THADA: variants seen among roughly 807,000 people sequenced by gnomAD.
The protein encoded by THADA is tRNA (32-2'-O)-methyltransferase regulator THADA.
In THADA, 213 loss-of-function variants were observed where a neutral mutation model predicts 219.8. The observed-to-expected ratio is 0.97, with a 90% confidence interval of 0.87 to 1.09. THADA has a LOEUF of 1.09. Among genes scored for constraint, THADA ranks in the 50% least tolerant of loss-of-function variants. The pLI, the probability that THADA is intolerant of heterozygous loss-of-function variation, is 0.00. For synonymous variants in THADA, 1,018 were observed against 828.9 expected (o/e 1.23, Z -3.92); for missense variants, 2,956 against 2,311.3 (o/e 1.28, Z -5.72).
intron 34 of THADA, among the ~76,000 whole-genome samples, chr2:43,291,478 A>AAAAAAAAAAAAAAAAAAC: frequency 6.7e-6 from 1 of 149,000 alleles, no homozygotes; most frequent in African/African-American, 2.5e-5. Flanking sequence ...AAAAAAAAAA[A>AAAAAAAAAAAAAAAAAAC]AAAATCCTAA....
chr2:43,517,998 C>T (rs1691945922), intron 22 of THADA, among the ~76,000 whole-genome samples: 1 of 152,190 alleles, frequency 6.6e-6, no homozygotes, highest in African/African-American at 2.4e-5. Flanking sequence ...CATTCAGGCC[C>T]TGGCTGAAAT....
intron 15 of THADA, 78 bp from the exon 16 acceptor site, chr2:43,560,463 T>C (rs1697926049): frequency 2.7e-6 from 3 of 1,116,978 alleles, no homozygotes; most frequent in East Asian, 5.6e-5. Context: ...TGACCAAATT[T>C]ATAGAAAATA....
intron 28 of THADA, among the ~76,000 whole-genome samples, chr2:43,406,510 A>C (rs72790918): frequency 0.011 from 1,703 of 152,298 alleles, 14 homozygotes; most frequent in South Asian, 0.021. Context: ...GATTCCAACC[A>C]AATGTTTTAG....
At chr2:43,269,544 AG>A (rs1671898601) in intron 36 of THADA, among the ~76,000 whole-genome samples, 1 of 152,336 alleles carries the variant, frequency 6.6e-6, no homozygotes, top group Admixed American at 6.5e-5. Flanking sequence ...GGTGAACGTC[AG>A]GGGGCCCAGG....
intron 1 of THADA, among the ~76,000 whole-genome samples, chr2:43,594,157 T>C (rs1701893865): frequency 6.6e-6 from 1 of 152,146 alleles, no homozygotes; most frequent in African/African-American, 2.4e-5. Context: ...ACTTCTACAC[T>C]TACCTCCAAA....
intron 31 of THADA, among the ~76,000 whole-genome samples, chr2:43,302,400 C>G (rs1004667040): frequency 4.0e-5 from 6 of 151,722 alleles, no homozygotes; most frequent in African/African-American, 1.5e-4. Context: ...CTCAGCCACT[C>G]AAGTATGTGT....
rs913736907 is a variant in THADA, at chr2:43,485,392, T to A, written c.3745-67A>T. The A allele has an allele frequency of 1.0e-5, 11 of 1,099,040 alleles. No individual in the cohort carries two copies. In the African/African-American group the frequency reaches 1.6e-4, roughly 16 times the overall value. 68.1% of individuals were successfully genotyped at this position (1,099,040 alleles called of 1,614,324 possible). A position where few individuals can be genotyped will look rare whatever the true frequency, so the allele number is the denominator to read the frequency against. ...GGCATGAAACCAACGTTTACAATGTTCAAACTAGATAATTCAAAATCATTA... is the reference window on the plus strand; with the variant it reads ...GGCATGAAACCAACGTTTACAATGTACAAACTAGATAATTCAAAATCATTA... On this transcript the variant is annotated intron_variant, in intron 25 of 37. Transcript: ENST00000405975.
intron 29 of THADA, among the ~76,000 whole-genome samples, chr2:43,387,313 G>A (rs1236422504): frequency 5.9e-5 from 9 of 152,212 alleles, no homozygotes; most frequent in African/African-American, 2.2e-4. Context: ...ATGAGAGGCA[G>A]GTTGGAACAA....
chr2:43,263,522 C>T (rs922857751), intron 36 of THADA, among the ~76,000 whole-genome samples: 3 of 152,092 alleles, frequency 2.0e-5, no homozygotes, highest in Admixed American at 6.6e-5. Context: ...TATCTTGTAA[C>T]CATGAGGACA....
intron 31 of THADA, among the ~76,000 whole-genome samples, chr2:43,302,410 T>C (rs1676369835): frequency 2.0e-5 from 3 of 152,118 alleles, no homozygotes; most frequent in Admixed American, 2.0e-4. Context: ...CAAGTATGTG[T>C]GACTGATTCT....
intron 34 of THADA, among the ~76,000 whole-genome samples, chr2:43,289,750 C>G (rs1439202670): frequency 6.6e-6 from 1 of 152,040 alleles, no homozygotes; most frequent in East Asian, 1.9e-4. Flanking sequence ...CTCCTGGGTT[C>G]AAGCGATCCT....
At chr2:43,390,587 T>G (rs10495901) in intron 29 of THADA, among the ~76,000 whole-genome samples, 28,473 of 152,200 alleles carry the variant, frequency 0.19, 3,174 homozygotes, top group Non-Finnish European at 0.26. Flanking sequence ...TACTTGTTCC[T>G]TTGTCCGCAG....
At position 43,541,301 on chromosome 2, in the gene THADA, G is replaced by A; in HGVS notation, c.3122C>T (p.Thr1041Ile). Residue 1041 changes from threonine (T) to isoleucine (I), a missense_variant, in exon 21 of 38, where the codon ACA becomes ATA. By Grantham distance (89) the Thr-to-Ile change is moderately conservative. Coordinates refer to ENST00000405975, the MANE Select transcript of THADA (RefSeq NM_022065.5). ...STEIKGKEVK[T>I]CDVTAQMVLV... ...CACCATCTGCGCAGTTACATCACAT[G>A]TTTTTACTTCTTTACCTTAAACAAA... 6.2e-7 allele frequency: 1 copy of A among 1,612,506 alleles called. No homozygotes were observed. The highest frequency in any genetic ancestry group is 1.1e-5 in the South Asian group (1 of 90,958).
At chr2:43,307,242 A>G (rs746365593) in intron 31 of THADA, among the ~76,000 whole-genome samples, 18 of 152,236 alleles carry the variant, frequency 1.2e-4, no homozygotes, top group Non-Finnish European at 2.4e-4. Context: ...GAGAGGAGGA[A>G]CCCAGAGCCC....
At chr2:43,270,904 C>T (rs1274640371) in intron 36 of THADA, among the ~76,000 whole-genome samples, 2 of 152,174 alleles carry the variant, frequency 1.3e-5, no homozygotes, top group Admixed American at 6.5e-5. Flanking sequence ...AATAAAGTAT[C>T]TCACAGTGTT....
intron 30 of THADA, among the ~76,000 whole-genome samples, chr2:43,321,505 T>A (rs931146011): frequency 6.6e-6 from 1 of 152,222 alleles, no homozygotes; most frequent in African/African-American, 2.4e-5. Flanking sequence ...ACTGTCCTCA[T>A]GAATGAATGA....
chr2:43,236,033 T>C (rs924585787), intron 36 of THADA, among the ~76,000 whole-genome samples: 11 of 152,036 alleles, frequency 7.2e-5, no homozygotes, highest in African/African-American at 2.7e-4. Context: ...ATGGTCTCGA[T>C]CTCCTGACCT....
intron 36 of THADA, 70 bp downstream of exon 36, chr2:43,279,695 C>T (rs896100667): frequency 5.7e-5 from 85 of 1,488,580 alleles, no homozygotes; most frequent in Non-Finnish European, 7.0e-5. Context: ...CTATCTGGCT[C>T]ATTATAGAAA....
intron 30 of THADA, among the ~76,000 whole-genome samples, chr2:43,326,139 AG>A (rs1679298585): frequency 1.3e-5 from 2 of 150,870 alleles, no homozygotes; most frequent in Non-Finnish European, 2.9e-5. Flanking sequence ...CATATGTAAA[AG>A]CTGTTTCTTG....
Sources: allele counts gnomAD v4.1 joint callset (sites outside exome capture counted in the v4.1 genomes callset), GRCh38; gene constraint gnomAD v4.1.1; transcripts MANE v1.5; gene names NCBI Gene and HGNC (gene_info 2026-07-23, HGNC 2026-07-21).